SUFU: variants seen among roughly 807,000 people sequenced by gnomAD.
The protein encoded by SUFU is SUFU negative regulator of hedgehog signaling, also known as suppressor of fused homolog.
SUFU carries 7 observed loss-of-function variants against 58.9 expected under a neutral mutation model. The ratio of observed to expected loss-of-function variants is 0.12; its 90% CI spans 0.07 to 0.22. The LOEUF (loss-of-function observed/expected upper bound fraction) is 0.22, where lower values mean the gene tolerates loss of function less well. Among genes scored for constraint, SUFU ranks in the 10% least tolerant of loss-of-function variants. The probability of loss-of-function intolerance (pLI) is 1.00; values close to 1 mark genes in which losing one functional copy is unlikely to be tolerated. For synonymous variants in SUFU, 232 were observed against 254.8 expected, an observed-to-expected ratio of 0.91 and a Z score of 0.85; for missense variants, 451 against 641.3, an observed-to-expected ratio of 0.70 and a Z score of 3.20.
intron 2 of SUFU, among the ~76,000 whole-genome samples, chr10:102,547,847 AAGAAAGAG>A (rs952586428): frequency 6.6e-6 from 1 of 150,768 alleles, no homozygotes; most frequent in Non-Finnish European, 1.5e-5. Context: ...GAGAGAGAGA[AAGAAAGAG>A]AGAAAGAAAG....
intron 8 of SUFU, among the ~76,000 whole-genome samples, chr10:102,600,495 G>A (rs142988311): frequency 6.6e-5 from 10 of 152,278 alleles, no homozygotes; most frequent in South Asian, 2.1e-4. Flanking sequence ...TCTGGCTGTC[G>A]ATGTGATTTG....
chr10:102,552,342 A>G (rs2062928519), intron 3 of SUFU, among the ~76,000 whole-genome samples: 1 of 152,032 alleles, frequency 6.6e-6, no homozygotes, highest in South Asian at 2.1e-4. Context: ...CTGAGGTAGG[A>G]GGACCATTTG....
At chr10:102,551,480 A>G (rs1339814317) in intron 3 of SUFU, among the ~76,000 whole-genome samples, 1 of 151,830 alleles carries the variant, frequency 6.6e-6, no homozygotes, top group African/African-American at 2.4e-5. Context: ...TCTACTGAAA[A>G]TACAAAAATT....
chr10:102,563,821 G>T (rs1001055784), intron 3 of SUFU, among the ~76,000 whole-genome samples: 35 of 151,608 alleles, frequency 2.3e-4, no homozygotes, highest in Non-Finnish European at 1.8e-4. Context: ...AAGTATTTGA[G>T]ACTCTAGCTG....
rs183636401 is a variant in SUFU at position 102,590,884 on chromosome 10, A to G, written c.455-1698A>G. On this transcript the variant is annotated intron_variant, in intron 3 of 11. Coordinates refer to ENST00000369902, the MANE Select transcript of SUFU (RefSeq NM_016169.4). ...TCTGGGAAGAGTGGGCCTAGCAGGAATTTGGAAATTTAGGGGTTTCTAGTT... is the reference window on the plus strand; with the variant it reads ...TCTGGGAAGAGTGGGCCTAGCAGGAGTTTGGAAATTTAGGGGTTTCTAGTT... 5 of 152,302 alleles carry G rather than the reference A, an allele frequency of 3.3e-5. No individual in the cohort carries two copies. In the East Asian group the frequency reaches 9.7e-4, roughly 29 times the overall value. 9.4% of individuals were successfully genotyped at this position (152,302 alleles called of 1,614,324 possible). A position where few individuals can be genotyped will look rare whatever the true frequency, so the allele number is the denominator to read the frequency against.
intron 6 of SUFU, among the ~76,000 whole-genome samples, chr10:102,594,863 C>T (rs1035175050): frequency 3.9e-5 from 6 of 152,018 alleles, no homozygotes; most frequent in African/African-American, 1.2e-4. Flanking sequence ...AGATTACAGG[C>T]GCCCACCACC....
At chr10:102,585,630 C>T (rs1006868999) in intron 3 of SUFU, among the ~76,000 whole-genome samples, 3 of 152,206 alleles carry the variant, frequency 2.0e-5, no homozygotes, top group Admixed American at 2.0e-4. Flanking sequence ...CTTCAACCTC[C>T]CGAGTACCTG....
intron 2 of SUFU, among the ~76,000 whole-genome samples, chr10:102,528,802 C>T (rs985051325): frequency 1.3e-5 from 2 of 152,012 alleles, no homozygotes; most frequent in South Asian, 2.1e-4. Context: ...TTGAGTGGGG[C>T]AAATGCATTC....
intron 3 of SUFU, among the ~76,000 whole-genome samples, chr10:102,587,682 C>T (rs774548383): frequency 2.0e-5 from 3 of 151,990 alleles, no homozygotes; most frequent in Non-Finnish European, 2.9e-5. Flanking sequence ...TTAGTGGAGA[C>T]GGGGTTTCAC....
chr10:102,541,114 T>C (rs556551455), intron 2 of SUFU, among the ~76,000 whole-genome samples: 1 of 152,338 alleles, frequency 6.6e-6, no homozygotes, highest in East Asian at 1.9e-4. Flanking sequence ...CATTAATTTC[T>C]GTTTGTATTA....
chr10:102,539,156 C>T (rs907034075), intron 2 of SUFU, among the ~76,000 whole-genome samples: 3 of 152,194 alleles, frequency 2.0e-5, no homozygotes, highest in African/African-American at 7.2e-5. Flanking sequence ...TCAGTGACTC[C>T]AGAGTCTTTT....
chr10:102,605,807 G>A (rs999651404), intron 8 of SUFU, among the ~76,000 whole-genome samples: 1 of 152,192 alleles, frequency 6.6e-6, no homozygotes, highest in Non-Finnish European at 1.5e-5. Context: ...GAAGCCAGAG[G>A]TTGGGCTGGG....
chr10:102,521,908 C>A (rs1024016026), intron 2 of SUFU, among the ~76,000 whole-genome samples: 1 of 152,192 alleles, frequency 6.6e-6, no homozygotes, highest in African/African-American at 2.4e-5. Flanking sequence ...TGGGAGAAAA[C>A]AATTACTGAT....
Position 102,590,146 on chromosome 10 carries a change from TTTTTTTCTTTTTTC to T in SUFU, c.455-2429_455-2416del, listed in dbSNP as rs1299063153. ...CACCTCCCCCCCGACTTTTTCTTTTTTTTTTTCTTTTTTCTTTTTTTTTTTTTTTTGAGACAGAG... is the reference window on the plus strand; with the variant it reads ...CACCTCCCCCCCGACTTTTTCTTTTTTTTTTTTTTTTTTTTTGAGACAGAG... On this transcript the variant is annotated intron_variant, in intron 3 of 11. Coordinates refer to ENST00000369902, the MANE Select transcript of SUFU (RefSeq NM_016169.4). Among the ~76,000 whole-genome samples, 599 of 115,892 alleles carry T rather than the reference TTTTTTTCTTTTTTC, an allele frequency of 5.2e-3. 9 individuals are homozygous for T. The highest frequency in any genetic ancestry group is 0.018 in the African/African-American group (555 of 30,538). 76.0% of individuals were successfully genotyped at this position (115,892 alleles called of 152,430 possible).
At chr10:102,551,225 A>G (rs1329026886) in intron 3 of SUFU, among the ~76,000 whole-genome samples, 2 of 152,178 alleles carry the variant, frequency 1.3e-5, no homozygotes, top group South Asian at 2.1e-4. Flanking sequence ...GGAGGCTACA[A>G]TGGGTCTTCT....
Position 102,561,610 on chromosome 10 carries a change from GA to G in SUFU, c.454+11505del, listed in dbSNP as rs1238246058. 2.0e-5 allele frequency among the ~76,000 whole-genome samples: 3 copies of G among 151,194 alleles called. No individual in the cohort carries two copies. In the East Asian group the frequency reaches 5.8e-4, roughly 29 times the overall value. ...CCCCTTCTTAGGTTCCTTGGCCAGA[GA>G]GATTGGTTCATACACACTATGTGGC... is the stretch of plus-strand genomic sequence containing the variant. On this transcript the variant is annotated intron_variant, in intron 3 of 11. Coordinates refer to ENST00000369902, the MANE Select transcript of SUFU (RefSeq NM_016169.4).
intron 4 of SUFU, among the ~76,000 whole-genome samples, chr10:102,593,173 A>G (rs906497155): frequency 6.6e-6 from 1 of 152,146 alleles, no homozygotes; most frequent in African/African-American, 2.4e-5. Flanking sequence ...CCTATCCCCT[A>G]ATAAGGAAGG....
At position 102,509,266 on chromosome 10, in the gene SUFU, G is replaced by T; in HGVS notation, c.280G>T (p.Gly94Cys). 6.2e-7 allele frequency: 1 copy of T among 1,614,126 alleles called. No individual in the cohort carries two copies. The highest frequency in any genetic ancestry group is 8.5e-7 in the Non-Finnish European group (1 of 1,180,018). ...IPEHWHYISF[G>C]LSDLYGDNRV... ...CGAGCACTGGCACTACATCAGCTTC[G>T]GCCTGAGTGATCTCTATGGTGACAA... The change falls in exon 2 of 12, where the codon GGC becomes TGC. Residue 94 changes from glycine (G) to cysteine (C), a missense_variant. Coordinates refer to ENST00000369902, the MANE Select transcript of SUFU (RefSeq NM_016169.4).
chr10:102,605,710 G>A (rs549170817), intron 8 of SUFU, among the ~76,000 whole-genome samples: 29 of 139,374 alleles, frequency 2.1e-4, no homozygotes, highest in African/African-American at 7.4e-4. Context: ...CTTAAAGGGA[G>A]ACCTGCAGGT....
Sources: gnomAD v4.1 joint callset for allele counts (sites outside exome capture counted in the v4.1 genomes callset) on GRCh38, gnomAD v4.1.1 for gene constraint, MANE v1.5 for transcripts, NCBI Gene and HGNC (gene_info 2026-07-23, HGNC 2026-07-21) for gene names.